Variants in ZBBX observed in about 807,000 individuals in gnomAD.
The protein encoded by ZBBX is zinc finger B-box domain containing.
A neutral mutation model predicts 108.5 loss-of-function variants in ZBBX; 101 were observed. The observed-to-expected ratio is 0.93, with a 90% CI of 0.79 to 1.10. The LOEUF is 1.10. ZBBX is among the 50% of genes least tolerant of loss of function. The pLI is 0.00. For missense variants in ZBBX, 1,009 were observed against 941.4 expected (o/e 1.07, Z -0.94); for synonymous variants, 356 against 323.4 (o/e 1.10, Z -1.08).
At position 167,239,907 on chromosome 3, in the gene ZBBX, A is replaced by G. The variant is rs1456778631; in HGVS notation, c.*886T>C. 6.6e-6 allele frequency among the ~76,000 whole-genome samples: 1 copy of G among 152,180 alleles called. No individual in the cohort carries two copies. The highest frequency in any genetic ancestry group is 1.5e-5 in the Non-Finnish European group (1 of 68,028). On this transcript the variant is annotated 3_prime_UTR_variant, in exon 22 of 22. Coordinates refer to ENST00000675490, the MANE Select transcript of ZBBX (RefSeq NM_001199201.2). ...AGCATGGTGGGGGAGGCCTCAGGAA[A>G]TCATGGTGAAAGGGGAAGCAAACAC...
chr3:167,263,675 A>G (rs1389840612), intron 20 of ZBBX, among the ~76,000 whole-genome samples: 1 of 152,196 alleles, frequency 6.6e-6, no homozygotes, highest in East Asian at 1.9e-4. Flanking sequence ...TGCAGAGGAG[A>G]AGAATATGTA....
chr3:167,371,429 C>T (rs935386136), intron 4 of ZBBX, among the ~76,000 whole-genome samples: 1 of 152,178 alleles, frequency 6.6e-6, no homozygotes, highest in Non-Finnish European at 1.5e-5. Flanking sequence ...GCAGTTTGAG[C>T]CATGTTCTCT....
At chr3:167,196,552 A>C in the ZBBX span, among the ~76,000 whole-genome samples, 1 of 152,238 alleles carries the variant, frequency 6.6e-6, no homozygotes, top group Admixed American at 6.5e-5. Context: ...ATTCTTAAGT[A>C]AATACATAAC....
the ZBBX span, among the ~76,000 whole-genome samples, chr3:167,207,862 G>C: frequency 6.6e-6 from 1 of 152,214 alleles, no homozygotes; most frequent in Non-Finnish European, 1.5e-5. Context: ...AAAATCAGTT[G>C]AGCAATCACA....
chr3:167,241,674 G>A (rs978529192), intron 21 of ZBBX, among the ~76,000 whole-genome samples: 1 of 152,102 alleles, frequency 6.6e-6, no homozygotes, highest in African/African-American at 2.4e-5. Flanking sequence ...GAGCCCAGGA[G>A]TTTCAGACCT....
At chr3:167,405,100 A>C (rs867723655) in intron 1 of ZBBX, among the ~76,000 whole-genome samples, 55 of 152,312 alleles carry the variant, frequency 3.6e-4, no homozygotes, top group Middle Eastern at 3.4e-3. Flanking sequence ...GAAGAAGAAG[A>C]AGCACATCTG....
chr3:167,302,396 T>G (rs79547421), intron 17 of ZBBX, among the ~76,000 whole-genome samples: 7,653 of 152,212 alleles, frequency 0.05, 526 homozygotes, highest in African/African-American at 0.15. Context: ...AATAGTTGAT[T>G]TTATCATGTA....
chr3:167,358,315 G>A (rs1743928629), intron 8 of ZBBX, among the ~76,000 whole-genome samples: 1 of 151,960 alleles, frequency 6.6e-6, no homozygotes, highest in Admixed American at 6.6e-5. Context: ...ACTTATATGA[G>A]GTAGAGTAGT....
At chr3:167,275,551 G>A (rs564335596) in intron 20 of ZBBX, among the ~76,000 whole-genome samples, 10 of 152,236 alleles carry the variant, frequency 6.6e-5, no homozygotes, top group South Asian at 6.2e-4. Flanking sequence ...ACTCCCACCC[G>A]AATACTGCGC....
intron 20 of ZBBX, chr3:167,248,555 C>T (rs983456349): frequency 9.0e-6 from 4 of 446,756 alleles, no homozygotes; most frequent in Admixed American, 2.4e-5. Flanking sequence ...ACTGCAAATT[C>T]GACAGGGCAC....
the ZBBX span, among the ~76,000 whole-genome samples, chr3:167,193,924 G>T: frequency 6.6e-6 from 1 of 152,078 alleles, no homozygotes; most frequent in South Asian, 2.1e-4. Flanking sequence ...AGCTAAAATG[G>T]TTGGTCTCAT....
chr3:167,378,541 T>C (rs1747316368), intron 2 of ZBBX, among the ~76,000 whole-genome samples: 1 of 152,148 alleles, frequency 6.6e-6, no homozygotes, highest in South Asian at 2.1e-4. Flanking sequence ...TCTCCCCCTC[T>C]AATTTGCAGG....
the ZBBX span, among the ~76,000 whole-genome samples, chr3:167,227,506 C>T: frequency 6.6e-6 from 1 of 151,736 alleles, no homozygotes; most frequent in East Asian, 1.9e-4. Flanking sequence ...AGCAAATTTG[C>T]TATTCAGATA....
In ZBBX at chr3:167,379,663, G is replaced by A. The variant is rs531175655; in HGVS notation, c.-157C>T. 2.0e-5 allele frequency: 3 copies of A among 152,122 alleles called. No homozygotes were observed. The East Asian group carries it at 5.8e-4, about 30-fold the overall frequency. 9.4% of individuals were successfully genotyped at this position (152,122 alleles called of 1,614,324 possible). A position where few individuals can be genotyped will look rare whatever the true frequency, so the allele number is the denominator to read the frequency against. On this transcript the variant is annotated 5_prime_UTR_variant, in exon 2 of 22. Coordinates refer to ENST00000675490, the MANE Select transcript of ZBBX (RefSeq NM_001199201.2). ...CTGAGTCCCTCTACTGCTGATTTTG[G>A]GAAGAAAAAATAAACTTCCACATCT...
intron 1 of ZBBX, among the ~76,000 whole-genome samples, chr3:167,397,328 A>G (rs1748274459): frequency 1.3e-5 from 2 of 151,772 alleles, no homozygotes; most frequent in South Asian, 4.2e-4. Context: ...TTCACAAGTC[A>G]CCTCACATAC....
At chr3:167,237,050 G>A (rs192746043), downstream of ZBBX, among the ~76,000 whole-genome samples, 59 of 151,774 alleles carry the variant, frequency 3.9e-4, 1 homozygote, top group East Asian at 9.7e-4. Context: ...CTGAATAAAG[G>A]GACAGAGAGA....
intron 16 of ZBBX, among the ~76,000 whole-genome samples, chr3:167,313,752 T>C (rs1460831024): frequency 1.3e-5 from 2 of 152,218 alleles, no homozygotes; most frequent in Non-Finnish European, 2.9e-5. Context: ...TAATAACTTT[T>C]AGAGTGCCCT....
intron 2 of ZBBX, among the ~76,000 whole-genome samples, chr3:167,378,986 G>C (rs1049665303): frequency 6.6e-6 from 1 of 152,056 alleles, no homozygotes; most frequent in Non-Finnish European, 1.5e-5. Flanking sequence ...ATTTGAGAGT[G>C]GTCCTACCAT....
chr3:167,246,118 T>C (rs368465969), intron 20 of ZBBX, among the ~76,000 whole-genome samples: 35 of 152,292 alleles, frequency 2.3e-4, no homozygotes, highest in African/African-American at 8.2e-4. Context: ...CTTCACCAAA[T>C]AGCTGGTAAG....
Sources: allele counts gnomAD v4.1 joint callset (sites outside exome capture counted in the v4.1 genomes callset), GRCh38; gene constraint gnomAD v4.1.1; transcripts MANE v1.5; gene names NCBI Gene and HGNC (gene_info 2026-07-23, HGNC 2026-07-21).